Variants in RBFOX1 observed in about 807,000 individuals in gnomAD.
RBFOX1 encodes the protein RNA binding fox-1 homolog 1, also known as RNA binding protein fox-1 homolog 1.
A neutral mutation model predicts 57.7 loss-of-function variants in RBFOX1; 8 were observed. The observed-to-expected ratio is 0.14, with a 90% CI of 0.08 to 0.25. RBFOX1 has a LOEUF of 0.25. Ranked by LOEUF, RBFOX1 falls within the 10% of genes least tolerant of loss-of-function variation. The pLI is 1.00. For synonymous variants in RBFOX1, 326 were observed against 222.4 expected (o/e 1.47, Z -4.15); for missense variants, 611 against 548.5 (o/e 1.11, Z -1.14).
chr16:6,498,617 C>G (rs901341377), intron 2 of RBFOX1, among the ~76,000 whole-genome samples: 3 of 152,094 alleles, frequency 2.0e-5, no homozygotes, highest in African/African-American at 7.2e-5. Context: ...GAGCAATATA[C>G]AATTAGTTCC....
intron 4 of RBFOX1, among the ~76,000 whole-genome samples, chr16:7,290,439 C>G (rs1288176148): frequency 6.6e-6 from 1 of 152,154 alleles, no homozygotes; most frequent in Non-Finnish European, 1.5e-5. Flanking sequence ...AATGTAAGCT[C>G]CATGTCCTTT....
chr16:7,644,718 T>C (rs1236503373), intron 11 of RBFOX1, among the ~76,000 whole-genome samples: 2 of 152,080 alleles, frequency 1.3e-5, no homozygotes, highest in East Asian at 1.9e-4. Context: ...GACATCCCTA[T>C]AGAGAGATGT....
chr16:7,354,328 T>C (rs1036632560), intron 4 of RBFOX1, among the ~76,000 whole-genome samples: 5 of 152,204 alleles, frequency 3.3e-5, no homozygotes, highest in Non-Finnish European at 7.3e-5. Context: ...TTTCAAAAAA[T>C]ATGTTGAAAA....
intron 3 of RBFOX1, among the ~76,000 whole-genome samples, chr16:6,661,212 G>T (rs1024043758): frequency 2.0e-5 from 3 of 152,178 alleles, no homozygotes; most frequent in Non-Finnish European, 2.9e-5. Flanking sequence ...ATGCAGAAAA[G>T]TTTCAAGAGA....
chr16:5,452,734 C>G (rs2151569911), intron 1 of RBFOX1, among the ~76,000 whole-genome samples: 1 of 152,008 alleles, frequency 6.6e-6, no homozygotes, highest in Admixed American at 6.6e-5. Flanking sequence ...ACCTCCGCCT[C>G]CTAGGTTCAA....
chr16:5,896,853 G>A (rs1392722149), intron 4 of RBFOX1, among the ~76,000 whole-genome samples: 1 of 151,996 alleles, frequency 6.6e-6, no homozygotes, highest in African/African-American at 2.4e-5. Flanking sequence ...CATCACTATA[G>A]TTCCTAAACA....
At chr16:5,733,251 G>C (rs1319019420) in intron 3 of RBFOX1, among the ~76,000 whole-genome samples, 1 of 152,196 alleles carries the variant, frequency 6.6e-6, no homozygotes, top group Non-Finnish European at 1.5e-5. Flanking sequence ...ACTTTGGCTT[G>C]TGAGAATATA....
chr16:5,479,355 C>T (rs2069441349), intron 2 of RBFOX1, among the ~76,000 whole-genome samples: 1 of 152,218 alleles, frequency 6.6e-6, no homozygotes, highest in African/African-American at 2.4e-5. Flanking sequence ...CCTGAGGCCA[C>T]ACAGCTAGGA....
At chr16:6,601,935 G>A (rs1218879856) in intron 2 of RBFOX1, among the ~76,000 whole-genome samples, 4 of 152,082 alleles carry the variant, frequency 2.6e-5, no homozygotes, top group African/African-American at 9.7e-5. Context: ...GTGGTAATGG[G>A]GTCAAATCAT....
intron 3 of RBFOX1, among the ~76,000 whole-genome samples, chr16:6,805,528 G>T (rs999922812): frequency 6.6e-6 from 1 of 151,906 alleles, no homozygotes; most frequent in Non-Finnish European, 1.5e-5. Flanking sequence ...GTACCTCTGA[G>T]CCTAAAATAA....
chr16:6,540,486 C>T (rs2096798718), intron 2 of RBFOX1, among the ~76,000 whole-genome samples: 1 of 151,798 alleles, frequency 6.6e-6, no homozygotes, highest in Admixed American at 6.6e-5. Context: ...GTGGCATGCG[C>T]ATGTAGTCCT....
intron 2 of RBFOX1, among the ~76,000 whole-genome samples, chr16:5,532,119 G>A (rs1314069860): frequency 1.3e-5 from 2 of 152,028 alleles, no homozygotes; most frequent in African/African-American, 4.8e-5. Context: ...TCTTGATCAG[G>A]GCTTCCCAAC....
chr16:6,312,658 TTC>T (rs1450127272), intron 1 of RBFOX1, among the ~76,000 whole-genome samples: 1 of 1,884 alleles, frequency 5.3e-4, no homozygotes, highest in African/African-American at 1.1e-3. Flanking sequence ...CCTTCTTTCC[TTC>T]CTTCCTTCCT....
intron 4 of RBFOX1, among the ~76,000 whole-genome samples, chr16:7,511,670 T>C (rs1415216722): frequency 6.6e-6 from 1 of 152,188 alleles, no homozygotes; most frequent in Non-Finnish European, 1.5e-5. Context: ...TAATAATCCT[T>C]TTGCTCTTGG....
intron 4 of RBFOX1, among the ~76,000 whole-genome samples, chr16:7,245,711 G>C (rs886566720): frequency 6.6e-6 from 1 of 152,138 alleles, no homozygotes; most frequent in Non-Finnish European, 1.5e-5. Context: ...GCTCACTTAA[G>C]GATACTTAGC....
At chr16:6,543,847 A>C (rs922107363) in intron 2 of RBFOX1, among the ~76,000 whole-genome samples, 1 of 152,154 alleles carries the variant, frequency 6.6e-6, no homozygotes, top group African/African-American at 2.4e-5. Flanking sequence ...ATACACCTGC[A>C]TGAAAAAAAC....
chr16:5,904,181 A>C (rs191152442), intron 4 of RBFOX1, among the ~76,000 whole-genome samples: 3 of 152,216 alleles, frequency 2.0e-5, no homozygotes, highest in Admixed American at 2.0e-4. Context: ...CAAAGCCTCA[A>C]CAGTGATTAG....
chr16:5,904,572 C>G (rs893712799), intron 4 of RBFOX1, among the ~76,000 whole-genome samples: 2 of 151,842 alleles, frequency 1.3e-5, no homozygotes, highest in African/African-American at 2.4e-5. Context: ...TGGTCTCTGT[C>G]CCTATCTTGG....
At chr16:5,762,922 C>G (rs1013081148) in intron 3 of RBFOX1, among the ~76,000 whole-genome samples, 1 of 152,154 alleles carries the variant, frequency 6.6e-6, no homozygotes, top group Non-Finnish European at 1.5e-5. Context: ...GAAGGATATA[C>G]AGCAATATGT....
Sources: allele counts gnomAD v4.1 joint callset (sites outside exome capture counted in the v4.1 genomes callset), GRCh38; gene constraint gnomAD v4.1.1; transcripts MANE v1.5; gene names NCBI Gene and HGNC (gene_info 2026-07-23, HGNC 2026-07-21).